Variants in DNAAF9 observed in about 807,000 individuals in gnomAD.
The protein encoded by DNAAF9 is shulin.
DNAAF9 carries 90 observed loss-of-function variants against 167.0 expected under a neutral mutation model. The ratio of observed to expected loss-of-function variants is 0.54; its 90% CI spans 0.45 to 0.64. The LOEUF is 0.64. DNAAF9 is among the 30% of genes least tolerant of loss of function. The pLI, the probability that DNAAF9 is intolerant of heterozygous loss-of-function variation, is 0.00. For missense variants in DNAAF9, 1,315 were observed against 1,442.2 expected (o/e 0.91, Z 1.43); for synonymous variants, 491 against 508.8 (o/e 0.96, Z 0.47).
At chr20:3,279,100 G>A in intron 28 of DNAAF9, 151 bp from the exon 29 acceptor site, 1 of 650,308 alleles carries the variant, frequency 1.5e-6, no homozygotes, top group South Asian at 1.9e-5. Context: ...GGATAGCCAT[G>A]GGACTTTACA....
chr20:3,257,710 A>T (rs1568560243), intron 33 of DNAAF9, among the ~76,000 whole-genome samples: 1 of 147,330 alleles, frequency 6.8e-6, no homozygotes, highest in Non-Finnish European at 1.5e-5. Flanking sequence ...TGCCCGGCTA[A>T]TTTTTTTTTT....
At chr20:3,355,692 CTAG>C (rs1385182603) in intron 7 of DNAAF9, among the ~76,000 whole-genome samples, 4 of 152,110 alleles carry the variant, frequency 2.6e-5, no homozygotes, top group Non-Finnish European at 5.9e-5. Context: ...AGCAATTACA[CTAG>C]TAGATTTCCA....
intron 34 of DNAAF9, among the ~76,000 whole-genome samples, chr20:3,255,601 C>T (rs1416263608): frequency 6.6e-6 from 1 of 152,076 alleles, no homozygotes; most frequent in Non-Finnish European, 1.5e-5. Context: ...AGTCTGAGGC[C>T]CCACAGTCAA....
rs552579294 is a variant in DNAAF9, at chr20:3,343,507, A to C, written c.845+169T>G. On this transcript the variant is annotated intron_variant, in intron 9 of 36. Transcript: ENST00000252032. ...TAATAAAATAAAAATGAAAGCAGAGAAACAGACACATTTACAGAGTACAGA... is the reference window on the plus strand; with the variant it reads ...TAATAAAATAAAAATGAAAGCAGAGCAACAGACACATTTACAGAGTACAGA... Among the ~76,000 whole-genome samples, 14 of 152,320 alleles carry C rather than the reference A, an allele frequency of 9.2e-5. No homozygotes were observed. The East Asian group carries it at 2.7e-3, about 29-fold the overall frequency.
Position 3,251,230 on chromosome 20 carries a change from C to CA in DNAAF9, c.*1341dup, listed in dbSNP as rs1358199843. The CA allele has an allele frequency of 6.6e-6, 1 of 151,666 alleles. No individual in the cohort carries two copies. 9.4% of individuals were successfully genotyped at this position (151,666 alleles called of 1,614,324 possible). ...GCAGGCCTCTGTGTGACCAGGCACA[C>CA]AGACTACATGTGCTCCATCTTGTCT... On this transcript the variant is annotated 3_prime_UTR_variant, in exon 37 of 37. Coordinates refer to ENST00000252032, the MANE Select transcript of DNAAF9 (RefSeq NM_001009984.3).
intron 7 of DNAAF9, among the ~76,000 whole-genome samples, chr20:3,354,941 G>A (rs1322406110): frequency 6.6e-6 from 1 of 152,196 alleles, no homozygotes; most frequent in Non-Finnish European, 1.5e-5. Flanking sequence ...GCTGCATGAT[G>A]TCGCTGCTGT....
chr20:3,371,300 T>C (rs1006473396), intron 6 of DNAAF9, among the ~76,000 whole-genome samples: 1 of 150,880 alleles, frequency 6.6e-6, no homozygotes, highest in African/African-American at 2.4e-5. Flanking sequence ...AAAAGAGAAA[T>C]TTTCTCAATT....
rs796927836 is a variant in DNAAF9 at position 3,376,311 on chromosome 20, AAAAC to A, written c.284-13_284-10del. 22 of 1,593,580 alleles carry A rather than the reference AAAAC, an allele frequency of 1.4e-5. No homozygotes were observed. The highest frequency in any genetic ancestry group is 1.3e-4 in the African/African-American group (10 of 74,078). ...AATCAATATAATTACATCTGTAAGA[AAAAC>A]AAAATCAAAACACAAGACTGTCAAA... On this transcript the variant is annotated splice_polypyrimidine_tract_variant and intron_variant, in intron 3 of 36. Coordinates refer to ENST00000252032, the MANE Select transcript of DNAAF9 (RefSeq NM_001009984.3).
At chr20:3,333,629 T>TA (rs2069881072) in intron 10 of DNAAF9, among the ~76,000 whole-genome samples, 1 of 152,218 alleles carries the variant, frequency 6.6e-6, no homozygotes, top group African/African-American at 2.4e-5. Flanking sequence ...TGCTGGTTGA[T>TA]ACATATTTCC....
chr20:3,271,308 T>C (rs1282875448), intron 29 of DNAAF9, among the ~76,000 whole-genome samples: 1 of 152,140 alleles, frequency 6.6e-6, no homozygotes, highest in Non-Finnish European at 1.5e-5. Context: ...ACTGCCAAGA[T>C]ACTGTGCACA....
At chr20:3,285,431 C>A (rs766317741) in intron 27 of DNAAF9, among the ~76,000 whole-genome samples, 1 of 152,156 alleles carries the variant, frequency 6.6e-6, no homozygotes, top group Non-Finnish European at 1.5e-5. Context: ...GTAATCCCAG[C>A]ACTCTGGGAG....
chr20:3,400,526 A>G (rs1335965006), intron 1 of DNAAF9, among the ~76,000 whole-genome samples: 1 of 145,886 alleles, frequency 6.9e-6, no homozygotes, highest in Non-Finnish European at 1.5e-5. Context: ...CAAAATTAAA[A>G]GTTAAAAACA....
intron 28 of DNAAF9, among the ~76,000 whole-genome samples, chr20:3,280,434 G>A (rs994107029): frequency 3.3e-5 from 5 of 151,828 alleles, no homozygotes; most frequent in Non-Finnish European, 5.9e-5. Context: ...GCATGGTGGT[G>A]CATGCCTGTA....
chr20:3,257,776 C>T (rs987460345), intron 33 of DNAAF9, among the ~76,000 whole-genome samples: 1 of 152,054 alleles, frequency 6.6e-6, no homozygotes, highest in Admixed American at 6.6e-5. Flanking sequence ...ACAATCTTGG[C>T]TCACTACAAC....
intron 6 of DNAAF9, 112 bp downstream of exon 6, chr20:3,373,936 T>TG (rs1267116426): frequency 1.5e-6 from 1 of 673,896 alleles, no homozygotes; most frequent in African/African-American, 1.8e-5. Flanking sequence ...TCCATGCCCT[T>TG]GTGAGGTAAC....
chr20:3,269,396 T>C (rs139119623), intron 30 of DNAAF9, among the ~76,000 whole-genome samples: 1 of 152,040 alleles, frequency 6.6e-6, no homozygotes, highest in East Asian at 1.9e-4. Context: ...ACTGTTTTGG[T>C]AGAGACAGAG....
intron 20 of DNAAF9, among the ~76,000 whole-genome samples, chr20:3,311,885 A>C (rs2069419495): frequency 6.6e-6 from 1 of 152,240 alleles, no homozygotes; most frequent in African/African-American, 2.4e-5. Context: ...GAAGTTGAAA[A>C]GCAAGACATC....
intron 20 of DNAAF9, among the ~76,000 whole-genome samples, chr20:3,314,680 G>T (rs187944477): frequency 2.0e-5 from 3 of 152,278 alleles, no homozygotes; most frequent in African/African-American, 7.2e-5. Flanking sequence ...AGAGGGTGTT[G>T]TTTTAAGCTA....
At chr20:3,320,443 C>A (rs2069593731) in intron 16 of DNAAF9, among the ~76,000 whole-genome samples, 1 of 152,104 alleles carries the variant, frequency 6.6e-6, no homozygotes, top group South Asian at 2.1e-4. Flanking sequence ...ATACTTGACG[C>A]AAGACTATGA....
Sources: allele counts gnomAD v4.1 joint callset (sites outside exome capture counted in the v4.1 genomes callset), GRCh38; gene constraint gnomAD v4.1.1; transcripts MANE v1.5; gene names NCBI Gene and HGNC (gene_info 2026-07-23, HGNC 2026-07-21).